Variants in KCNC4 observed in about 807,000 individuals in gnomAD.
KCNC4 encodes the protein voltage-gated potassium channel KCNC4.
Under a neutral mutation model 42.8 loss-of-function variants are expected in KCNC4, and 23 were observed. The observed-to-expected ratio is 0.54, with a 90% CI of 0.39 to 0.76. The LOEUF is 0.76. Ranked by LOEUF, KCNC4 falls within the 30% of genes least tolerant of loss-of-function variation. The pLI, the probability that KCNC4 is intolerant of heterozygous loss-of-function variation, is 0.00. For missense variants in KCNC4, 751 were observed against 898.2 expected, an observed-to-expected ratio of 0.84 and a Z score of 2.10; for synonymous variants, 422 against 393.5, an observed-to-expected ratio of 1.07 and a Z score of -0.86.
intron 1 of KCNC4, among the ~76,000 whole-genome samples, chr1:110,214,007 T>A (rs1299880266): frequency 6.6e-6 from 1 of 152,176 alleles, no homozygotes; most frequent in Non-Finnish European, 1.5e-5. Flanking sequence ...CCTCTGGAAT[T>A]CCAGGTGGCA....
chr1:110,259,240 G>A lies in KCNC4; in HGVS notation n.31-23294G>A, dbSNP rs1320296910. Among the ~76,000 whole-genome samples, 7 of 152,280 alleles carry A rather than the reference G, an allele frequency of 4.6e-5. No individual in the cohort carries two copies. The East Asian group carries it at 1.4e-3, about 30-fold the overall frequency. ...TAGGCCAGCTCAGCATGTGACTAGG[G>A]CACACGGGGAACCCACCGGAACACT... On this transcript the variant is annotated intron_variant and non_coding_transcript_variant, in intron 1 of 2. Coordinates refer to the KCNC4 transcript ENST00000412512.
intron 1 of KCNC4, among the ~76,000 whole-genome samples, chr1:110,273,491 G>A (rs754184006): frequency 7.9e-5 from 12 of 152,250 alleles, no homozygotes; most frequent in Middle Eastern, 3.4e-3. Context: ...CCTTCCCTCC[G>A]CTGACACTAA....
Position 110,212,155 on chromosome 1 carries a change from C to T in KCNC4, c.656C>T (p.Pro219Leu). Residue 219 changes from proline (P) to leucine (L), a missense_variant, in exon 1 of 4, where the codon CCC becomes CTC. This residue lies in a region of KCNC4 where 181 missense variants were observed against 167.3 expected (regional missense o/e 1.08). Transcript: ENST00000438661. ...CGCATGTGGGCGCTCTTCGAGGATC[C>T]CTACTCCTCCCGGGCCGCTAGGGTG... ...QPRMWALFED[P>L]YSSRAARVVA... 6.6e-7 allele frequency: 1 copy of T among 1,509,748 alleles called. No homozygotes were observed. Among genetic ancestry groups the T allele is most frequent in the Non-Finnish European group, 8.7e-7 (1 of 1,145,952 alleles). The allele number at this position is 1,509,748 out of a possible 1,614,324, so 93.5% of individuals were successfully genotyped here.
chr1:110,280,883 G>A (rs1361171668), intron 1 of KCNC4, among the ~76,000 whole-genome samples: 5 of 152,226 alleles, frequency 3.3e-5, no homozygotes, highest in Admixed American at 2.0e-4. Flanking sequence ...CTGGCCCCAC[G>A]TAGACCAAAT....
chr1:110,228,146 A>G (rs1257916769), intron 3 of KCNC4, among the ~76,000 whole-genome samples: 2 of 152,162 alleles, frequency 1.3e-5, no homozygotes, highest in Non-Finnish European at 2.9e-5. Context: ...CACTCAGGTT[A>G]TGCTTAAGAC....
In KCNC4 at chr1:110,229,909, C is replaced by G. The variant is rs148421744; in HGVS notation, c.1820-3002C>G. 2.3e-3 allele frequency among the ~76,000 whole-genome samples: 343 copies of G among 152,270 alleles called. 1 individual carries two copies. Among genetic ancestry groups the G allele is most frequent in the African/African-American group, 7.9e-3 (327 of 41,552 alleles). On this transcript the variant is annotated intron_variant, in intron 3 of 3. Transcript: ENST00000438661. The stretch of plus-strand genomic sequence containing the variant: ...TGGCAATTTTTAGAGTCAGATTATG[C>G]AATTTTGCGGAGAGAATGACTAAGT...
chr1:110,281,941 G>C (rs934937983), intron 1 of KCNC4, among the ~76,000 whole-genome samples: 10 of 152,144 alleles, frequency 6.6e-5, no homozygotes, highest in Non-Finnish European at 1.5e-4. Flanking sequence ...GTGTGAGCCG[G>C]GGCCTTCCCA....
At chr1:110,253,887 C>T (rs974144589), downstream of KCNC4, among the ~76,000 whole-genome samples, 25 of 152,216 alleles carry the variant, frequency 1.6e-4, no homozygotes, top group Middle Eastern at 3.4e-3. Context: ...AGAGGCCTTT[C>T]CCATTTCTCC....
chr1:110,226,546 G>C (rs777070054), intron 3 of KCNC4, among the ~76,000 whole-genome samples: 3 of 152,242 alleles, frequency 2.0e-5, no homozygotes, highest in Non-Finnish European at 4.4e-5. Context: ...CTCTCCCTAG[G>C]CCTCCCTTAA....
rs771559402 is a variant in KCNC4, at chr1:110,211,769, G to T, written c.270G>T (p.Gly90=). Residue 90 remains glycine (G), a synonymous_variant, in exon 1 of 4, where the codon GGG becomes GGT. Coordinates refer to ENST00000438661, the MANE Select transcript of KCNC4 (RefSeq NM_001039574.3). This position sits in a 1 kb window ranked among gnomAD's most constrained non-coding sequence, Gnocchi z 6.5. ...GTAGCAGCGGCAGCAGCGGCGGCGG[G>T]GGCTGCGAGTTCTTCTTCGACAGGC... The part of the protein sequence containing the change: ...GVGSSGSSGG[G]GCEFFFDRHP... 1 of 1,610,236 alleles carries T rather than the reference G, an allele frequency of 6.2e-7. No homozygotes were observed. Among genetic ancestry groups the T allele is most frequent in the Non-Finnish European group, 8.5e-7 (1 of 1,179,284 alleles).
intron 3 of KCNC4, chr1:110,232,152 C>A: frequency 6.6e-7 from 1 of 1,511,282 alleles, no homozygotes; most frequent in Middle Eastern, 1.7e-4. Flanking sequence ...GGTGGGATCC[C>A]AAAAGGGCTC....
intron 1 of KCNC4, among the ~76,000 whole-genome samples, chr1:110,264,157 C>T (rs2101078755): frequency 6.6e-6 from 1 of 152,256 alleles, no homozygotes; most frequent in Admixed American, 6.5e-5. Flanking sequence ...GCCACTAATG[C>T]TTAAACCCTG....
At chr1:110,219,181 C>T (rs924996706) in intron 1 of KCNC4, among the ~76,000 whole-genome samples, 2 of 152,162 alleles carry the variant, frequency 1.3e-5, no homozygotes, top group Non-Finnish European at 2.9e-5. Flanking sequence ...TCTCAGTCTC[C>T]GTTTTTCACT....
intron 1 of KCNC4, among the ~76,000 whole-genome samples, chr1:110,216,940 C>A (rs1412916209): frequency 1.3e-5 from 2 of 152,180 alleles, no homozygotes; most frequent in Non-Finnish European, 2.9e-5. Context: ...CACTTTGTCC[C>A]AGTCAGTGGA....
rs537593718 is a variant in KCNC4 at position 110,231,206 on chromosome 1, C to T, written c.1820-1705C>T. Among the ~76,000 whole-genome samples, 76 of 152,310 alleles carry T rather than the reference C, an allele frequency of 5.0e-4. No homozygotes were observed. In the South Asian group the frequency reaches 9.7e-3, roughly 20 times the overall value. On this transcript the variant is annotated intron_variant, in intron 3 of 3. Transcript: ENST00000438661. ...GCACTGCAACCTAGAAGCTGGCTGA[C>T]AGGAGCCAGAGGGGAGGCCATGGAC...
intron 1 of KCNC4, among the ~76,000 whole-genome samples, chr1:110,263,002 G>A (rs1659480634): frequency 6.6e-6 from 1 of 152,238 alleles, no homozygotes; most frequent in African/African-American, 2.4e-5. Context: ...GTCAGGAAAT[G>A]CTCATTGGTG....
intron 1 of KCNC4, among the ~76,000 whole-genome samples, chr1:110,277,580 G>A (rs989359392): frequency 1.3e-5 from 2 of 152,184 alleles, no homozygotes; most frequent in Admixed American, 1.3e-4. Context: ...ACTGCCATGG[G>A]AGCTGAGAGT....
exon 4 of KCNC4, chr1:110,249,109 C>T (rs937653758): frequency 2.0e-5 from 3 of 152,156 alleles, no homozygotes; most frequent in African/African-American, 7.2e-5. Context: ...AGATAGGACT[C>T]TTGTCCCTTC....
chr1:110,246,465 C>T (rs939284010), exon 4 of KCNC4: 5 of 152,250 alleles, frequency 3.3e-5, no homozygotes, highest in African/African-American at 1.2e-4. Flanking sequence ...AGACAAGTCT[C>T]CTCATGCCCT....
Sources: allele counts gnomAD v4.1 joint callset (sites outside exome capture counted in the v4.1 genomes callset), GRCh38; gene constraint gnomAD v4.1.1; regional missense constraint gnomAD v4.1.1; non-coding constraint Gnocchi (gnomAD v3.1); transcripts MANE v1.5; gene names NCBI Gene and HGNC (gene_info 2026-07-23, HGNC 2026-07-21).